RETREG1: variants seen among roughly 807,000 people sequenced by gnomAD.
The protein encoded by RETREG1 is family with sequence similarity 134 member B.
In RETREG1, 44 loss-of-function variants were observed where a neutral mutation model predicts 54.8. The ratio of observed to expected loss-of-function variants is 0.80; its 90% CI spans 0.63 to 1.03. RETREG1 has a LOEUF of 1.03. RETREG1 is among the 50% of genes least tolerant of loss of function. The pLI is 0.00. For synonymous variants in RETREG1, 217 were observed against 238.5 expected (o/e 0.91, Z 0.83); for missense variants, 554 against 605.1 (o/e 0.92, Z 0.89).
intron 3 of RETREG1, among the ~76,000 whole-genome samples, chr5:16,544,421 T>A (rs13162878): frequency 0.33 from 50,823 of 152,198 alleles, 10,116 homozygotes; most frequent in Non-Finnish European, 0.44. Flanking sequence ...TTTGTCATCT[T>A]GATCAAGTCC....
chr5:16,616,403 G>A, intron 1 of RETREG1: 1 of 600,898 alleles, frequency 1.7e-6, no homozygotes, highest in Non-Finnish European at 2.7e-6. Flanking sequence ...CTGAGGGTCG[G>A]CCGACCACCT....
At chr5:16,514,236 T>C (rs2126571504) in intron 3 of RETREG1, among the ~76,000 whole-genome samples, 1 of 152,242 alleles carries the variant, frequency 6.6e-6, no homozygotes, top group Non-Finnish European at 1.5e-5. Context: ...AGGAGCCATC[T>C]CCCTCCCACA....
intron 1 of RETREG1, among the ~76,000 whole-genome samples, chr5:16,586,319 T>A (rs760093338): frequency 6.6e-6 from 1 of 152,194 alleles, no homozygotes; most frequent in Non-Finnish European, 1.5e-5. Context: ...GAATGTGGGA[T>A]CCTAATCACA....
intron 1 of RETREG1, among the ~76,000 whole-genome samples, chr5:16,603,826 C>T (rs1279614935): frequency 6.6e-6 from 1 of 152,142 alleles, no homozygotes; most frequent in African/African-American, 2.4e-5. Context: ...GCCCACATGA[C>T]ATCTTACCTG....
intron 3 of RETREG1, among the ~76,000 whole-genome samples, chr5:16,558,210 C>T (rs1246319976): frequency 2.0e-5 from 3 of 152,216 alleles, no homozygotes; most frequent in East Asian, 3.9e-4. Flanking sequence ...CAGTGAACTA[C>T]GATTGCACCA....
intron 1 of RETREG1, among the ~76,000 whole-genome samples, chr5:16,579,004 GAA>G (rs1742413163): frequency 6.6e-6 from 1 of 152,172 alleles, no homozygotes; most frequent in Non-Finnish European, 1.5e-5. Context: ...TGGCCAGGTA[GAA>G]AAGAGACCAA....
At chr5:16,556,958 TA>T (rs1259530287) in intron 3 of RETREG1, among the ~76,000 whole-genome samples, 1 of 152,126 alleles carries the variant, frequency 6.6e-6, no homozygotes, top group African/African-American at 2.4e-5. Context: ...GCCTCCCAAG[TA>T]GCTGGGAATA....
chr5:16,482,729 A>T (rs1433496536), intron 4 of RETREG1, among the ~76,000 whole-genome samples: 1 of 152,114 alleles, frequency 6.6e-6, no homozygotes, highest in Non-Finnish European at 1.5e-5. Flanking sequence ...AAGACAGTTG[A>T]TCAGAATTAA....
intron 3 of RETREG1, among the ~76,000 whole-genome samples, chr5:16,539,531 C>T (rs772620299): frequency 5.9e-5 from 9 of 152,178 alleles, no homozygotes; most frequent in Non-Finnish European, 1.3e-4. Flanking sequence ...GCCGCTGATC[C>T]CAACTTGCCC....
chr5:16,529,469 T>G (rs1740843389), intron 3 of RETREG1, among the ~76,000 whole-genome samples: 3 of 152,226 alleles, frequency 2.0e-5, no homozygotes, highest in Admixed American at 1.3e-4. Context: ...TTGCTAGGAC[T>G]GAAATTGCCC....
rs1245607406 is a variant in RETREG1, at chr5:16,475,199, C to T, written c.1036G>A (p.Asp346Asn). 6.2e-7 allele frequency: 1 copy of T among 1,613,516 alleles called. No individual in the cohort carries two copies. Among genetic ancestry groups the T allele is most frequent in the Non-Finnish European group, 8.5e-7 (1 of 1,179,836 alleles). The change falls in exon 9 of 9, where the codon GAT becomes AAT. Residue 346 changes from aspartate to asparagine, a missense_variant. Asp to Asn is a conservative substitution (Grantham distance 23, BLOSUM62 1). This residue lies in a region of RETREG1 where 347 missense variants were observed against 412.3 expected (regional missense o/e 0.84). Coordinates refer to ENST00000306320, the MANE Select transcript of RETREG1 (RefSeq NM_001034850.3). ...DRPSEEVFSRDLSDFPSLENG... is the reference protein window; with the variant it reads ...DRPSEEVFSRNLSDFPSLENG... Reference sequence around the variant, plus strand: ...TCTAGAGATGGAAAATCTGAAAGATCTCTAGAGAAAACTTCCTCACTGGGT... The same window carrying T: ...TCTAGAGATGGAAAATCTGAAAGATTTCTAGAGAAAACTTCCTCACTGGGT...
intron 3 of RETREG1, among the ~76,000 whole-genome samples, chr5:16,493,387 C>T (rs1004456385): frequency 6.6e-6 from 1 of 152,184 alleles, no homozygotes; most frequent in East Asian, 1.9e-4. Flanking sequence ...AATTCCATTA[C>T]TAGCATAGGA....
At position 16,616,901 on chromosome 5, in the gene RETREG1, G is replaced by C. The variant is rs751270886; in HGVS notation, c.71C>G (p.Pro24Arg). ...TGCCTGGGGCGGTGGCGGCGACGGC[G>C]GCGCCTGCTCCTCGGCGGCAGGAGC... ...CPAPAAEEQA[P>R]PSPPPPQASP... The change falls in exon 1 of 9, where the codon CCG becomes CGG. Residue 24 changes from proline (P) to arginine (R), a missense_variant. By Grantham distance (103) the Pro-to-Arg change is moderately radical. Around this residue, in one of 4 missense-constraint regions of RETREG1, gnomAD observed 175 missense variants for 142.1 expected, o/e 1.23. Transcript: ENST00000306320. 42 of 1,481,246 alleles carry C rather than the reference G, an allele frequency of 2.8e-5. No homozygotes were observed. In the South Asian group the frequency reaches 5.0e-4, roughly 18 times the overall value. 91.8% of individuals were successfully genotyped at this position (1,481,246 alleles called of 1,614,324 possible).
intron 3 of RETREG1, among the ~76,000 whole-genome samples, chr5:16,507,017 T>C (rs1399523745): frequency 1.3e-5 from 2 of 152,242 alleles, no homozygotes; most frequent in East Asian, 3.8e-4. Context: ...CACTCCTATC[T>C]GGTTACGCCT....
At chr5:16,570,759 G>A (rs1742151326) in intron 2 of RETREG1, among the ~76,000 whole-genome samples, 1 of 152,168 alleles carries the variant, frequency 6.6e-6, no homozygotes, top group Non-Finnish European at 1.5e-5. Context: ...AAGGCAGCCT[G>A]GATACGTGTG....
chr5:16,483,582 A>G, intron 3 of RETREG1, 110 bp from the exon 4 acceptor site: 2 of 1,167,306 alleles, frequency 1.7e-6, no homozygotes, highest in South Asian at 1.3e-5. Flanking sequence ...CACCCTCTGG[A>G]AAAGCCCTGT....
chr5:16,477,852 A>C (rs1738607258), intron 7 of RETREG1, 64 bp from the exon 8 acceptor site: 1 of 1,590,430 alleles, frequency 6.3e-7, no homozygotes, highest in African/African-American at 1.3e-5. Context: ...ATTTTGAAAA[A>C]TCCATATGAA....
At chr5:16,480,868 T>C (rs1738739899) in intron 5 of RETREG1, 141 bp downstream of exon 5, 2 of 665,378 alleles carry the variant, frequency 3.0e-6, no homozygotes, top group Non-Finnish European at 5.5e-6. Context: ...ATGGAGAAAC[T>C]TTGTACAGCA....
chr5:16,497,011 T>C (rs767929520), intron 3 of RETREG1, among the ~76,000 whole-genome samples: 6 of 152,128 alleles, frequency 3.9e-5, no homozygotes, highest in Non-Finnish European at 5.9e-5. Flanking sequence ...TGTCATAGGT[T>C]CAGACACATG....
Sources: allele counts gnomAD v4.1 joint callset (sites outside exome capture counted in the v4.1 genomes callset), GRCh38; gene constraint gnomAD v4.1.1; regional missense constraint gnomAD v4.1.1; transcripts MANE v1.5; gene names NCBI Gene and HGNC (gene_info 2026-07-23, HGNC 2026-07-21).